Variants in SEMA5A observed in about 807,000 individuals in gnomAD.
SEMA5A encodes the protein semaphorin 5A.
Under a neutral mutation model 135.5 loss-of-function variants are expected in SEMA5A, and 55 were observed. The ratio of observed to expected loss-of-function variants is 0.41; its 90% CI spans 0.33 to 0.51. SEMA5A has a LOEUF of 0.51. Ranked by LOEUF, SEMA5A falls within the 20% of genes least tolerant of loss-of-function variation. SEMA5A has a pLI of 0.37. For synonymous variants in SEMA5A, 580 were observed against 546.5 expected, an observed-to-expected ratio of 1.06 and a Z score of -0.85; for missense variants, 1,290 against 1,419.9, an observed-to-expected ratio of 0.91 and a Z score of 1.47.
chr5:9,066,293 T>C (rs1008850598), intron 17 of SEMA5A, 128 bp downstream of exon 17: 14 of 838,304 alleles, frequency 1.7e-5, no homozygotes, highest in Non-Finnish European at 2.6e-5. Flanking sequence ...ACAGGGATCA[T>C]TGTTTTCAAG....
At position 9,044,365 on chromosome 5, in the gene SEMA5A, T is replaced by C. The variant is rs1397476223; in HGVS notation, c.3105+8A>G. 1 of 1,610,308 alleles carries C rather than the reference T, an allele frequency of 6.2e-7. No individual in the cohort carries two copies. The highest frequency in any genetic ancestry group is 1.1e-5 in the South Asian group (1 of 90,934). ...AGGCACTTAGCAGAAATATTAAAAT[T>C]CACTTACCTTGATGGCCTCCACCGA... On this transcript the variant is annotated splice_region_variant and intron_variant, in intron 22 of 22. Transcript: ENST00000382496.
intron 1 of SEMA5A, among the ~76,000 whole-genome samples, chr5:9,506,938 C>T (rs1370363296): frequency 6.6e-6 from 1 of 152,054 alleles, no homozygotes; most frequent in East Asian, 1.9e-4. Flanking sequence ...TGAATACTTA[C>T]TGAGTATTTA....
intron 16 of SEMA5A, among the ~76,000 whole-genome samples, chr5:9,100,925 G>A (rs961632978): frequency 6.6e-6 from 1 of 151,918 alleles, no homozygotes; most frequent in Non-Finnish European, 1.5e-5. Flanking sequence ...TGCACAACCT[G>A]CACAACTGTA....
At chr5:9,445,668 C>CAA (rs1000234598) in intron 1 of SEMA5A, among the ~76,000 whole-genome samples, 5 of 147,000 alleles carry the variant, frequency 3.4e-5, no homozygotes, top group African/African-American at 1.2e-4. Context: ...GACTCTGTCT[C>CAA]AAAAAAAAAA....
chr5:9,113,534 T>C (rs1443672540), intron 15 of SEMA5A, among the ~76,000 whole-genome samples: 1 of 152,190 alleles, frequency 6.6e-6, no homozygotes, highest in African/African-American at 2.4e-5. Context: ...CCACAATGTA[T>C]GCATATTTTA....
intron 6 of SEMA5A, among the ~76,000 whole-genome samples, chr5:9,230,334 G>A (rs998303487): frequency 6.6e-6 from 1 of 151,934 alleles, no homozygotes; most frequent in African/African-American, 2.4e-5. Flanking sequence ...CCACTCTCAA[G>A]GTTGACGAAG....
At chr5:9,157,164 G>C (rs914228964) in intron 11 of SEMA5A, among the ~76,000 whole-genome samples, 1 of 124,952 alleles carries the variant, frequency 8.0e-6, no homozygotes, top group African/African-American at 2.7e-5. Flanking sequence ...CTCTGCATCA[G>C]GTTTAGCACA....
intron 16 of SEMA5A, among the ~76,000 whole-genome samples, chr5:9,089,246 T>C (rs1349382254): frequency 6.6e-6 from 1 of 152,230 alleles, no homozygotes. Context: ...ATGCGATCCA[T>C]GCACCAGAAA....
At chr5:9,526,015 T>C (rs936057213) in intron 1 of SEMA5A, among the ~76,000 whole-genome samples, 5 of 152,212 alleles carry the variant, frequency 3.3e-5, no homozygotes, top group African/African-American at 1.2e-4. Flanking sequence ...TAGAGAGTTC[T>C]AGAGTTGGGA....
chr5:9,064,278 A>AAAATGTG (rs1205452083), intron 17 of SEMA5A, among the ~76,000 whole-genome samples: 11 of 152,194 alleles, frequency 7.2e-5, no homozygotes, highest in Admixed American at 3.9e-4. Context: ...TATCAATACC[A>AAAATGTG]AAATGTGAAA....
chr5:9,453,999 C>T (rs572279657), intron 1 of SEMA5A, among the ~76,000 whole-genome samples: 1 of 152,278 alleles, frequency 6.6e-6, no homozygotes, highest in African/African-American at 2.4e-5. Flanking sequence ...AAAGTACTAG[C>T]CTTCTTGCTT....
intron 12 of SEMA5A, among the ~76,000 whole-genome samples, chr5:9,150,536 G>A (rs182500603): frequency 9.2e-5 from 14 of 152,156 alleles, no homozygotes; most frequent in South Asian, 2.1e-4. Context: ...CAAACTTGAC[G>A]GAAATATAAT....
Position 9,138,184 on chromosome 5 carries a change from C to T in SEMA5A, c.1482-1563G>A, listed in dbSNP as rs369799447. ...AACCTCATTAAAACTCCTTGATATGCGACCATATGCAGACATGACTTCCAT... is the reference window on the plus strand; with the variant it reads ...AACCTCATTAAAACTCCTTGATATGTGACCATATGCAGACATGACTTCCAT... On this transcript the variant is annotated intron_variant, in intron 12 of 22. Coordinates refer to ENST00000382496, the MANE Select transcript of SEMA5A (RefSeq NM_003966.3). 2.0e-5 allele frequency among the ~76,000 whole-genome samples: 3 copies of T among 152,128 alleles called. No individual in the cohort carries two copies. The South Asian group carries it at 6.2e-4, about 31-fold the overall frequency.
intron 6 of SEMA5A, among the ~76,000 whole-genome samples, chr5:9,234,887 C>T (rs1320443135): frequency 6.6e-6 from 1 of 152,132 alleles, no homozygotes; most frequent in East Asian, 1.9e-4. Context: ...TGGTCTCCTC[C>T]GTGAATCGAG....
intron 5 of SEMA5A, among the ~76,000 whole-genome samples, chr5:9,271,115 T>G (rs2150539631): frequency 6.6e-6 from 1 of 152,216 alleles, no homozygotes; most frequent in South Asian, 2.1e-4. Context: ...CCCCATGCTG[T>G]TCTCCTGATA....
intron 5 of SEMA5A, among the ~76,000 whole-genome samples, chr5:9,257,440 C>A (rs1460479571): frequency 1.5e-5 from 2 of 136,904 alleles, no homozygotes; most frequent in Non-Finnish European, 3.3e-5. Context: ...ATACTACCCA[C>A]ATAGATCTTT....
chr5:9,417,249 C>A (rs1229329372), intron 2 of SEMA5A, among the ~76,000 whole-genome samples: 2 of 152,166 alleles, frequency 1.3e-5, no homozygotes, highest in Non-Finnish European at 2.9e-5. Context: ...AATTCACAGA[C>A]AATTGTTTTC....
At chr5:9,185,993 C>T (rs1013484608) in intron 11 of SEMA5A, among the ~76,000 whole-genome samples, 1 of 152,134 alleles carries the variant, frequency 6.6e-6, no homozygotes, top group African/African-American at 2.4e-5. Context: ...GGGAGAAACT[C>T]CCAGAATACC....
intron 16 of SEMA5A, among the ~76,000 whole-genome samples, chr5:9,099,106 G>A (rs943935543): frequency 2.0e-5 from 3 of 152,110 alleles, no homozygotes; most frequent in Admixed American, 6.5e-5. Context: ...ATGTCCTAGA[G>A]GCAGACTCTT....
Sources: allele counts gnomAD v4.1 joint callset (sites outside exome capture counted in the v4.1 genomes callset), GRCh38; gene constraint gnomAD v4.1.1; transcripts MANE v1.5; gene names NCBI Gene and HGNC (gene_info 2026-07-23, HGNC 2026-07-21).